Variants in KCTD16 observed in about 807,000 individuals in gnomAD.
KCTD16 encodes potassium channel tetramerization domain containing 16, also known as BTB/POZ domain-containing protein KCTD16.
In KCTD16, 13 loss-of-function variants were observed where a neutral mutation model predicts 33.2. That is an observed-to-expected ratio of 0.39 (90% CI 0.25 to 0.62). KCTD16 has a LOEUF of 0.62. Ranked by LOEUF, KCTD16 falls within the 20% of genes least tolerant of loss-of-function variation. KCTD16 has a pLI of 0.50. For synonymous variants in KCTD16, 197 were observed against 195.3 expected, an observed-to-expected ratio of 1.01 and a Z score of -0.07; for missense variants, 441 against 525.1, an observed-to-expected ratio of 0.84 and a Z score of 1.57.
intron 2 of KCTD16, among the ~76,000 whole-genome samples, chr5:144,176,409 T>C (rs1752508314): frequency 6.8e-6 from 1 of 146,296 alleles, no homozygotes; most frequent in African/African-American, 2.5e-5. Context: ...TTTTTTTTTT[T>C]TTTTGAGACG....
At chr5:144,420,684 A>G (rs964559374) in intron 3 of KCTD16, among the ~76,000 whole-genome samples, 9 of 152,064 alleles carry the variant, frequency 5.9e-5, no homozygotes, top group Non-Finnish European at 2.9e-5. Context: ...CTAATGCATC[A>G]TGTATAGGTG....
intron 3 of KCTD16, among the ~76,000 whole-genome samples, chr5:144,413,906 T>A (rs1343962745): frequency 1.3e-5 from 2 of 152,212 alleles, no homozygotes; most frequent in South Asian, 2.1e-4. Flanking sequence ...TCACTAGGTC[T>A]GTGAAACCTT....
chr5:144,276,268 GTC>G (rs913262156), intron 3 of KCTD16, among the ~76,000 whole-genome samples: 14 of 151,918 alleles, frequency 9.2e-5, no homozygotes, highest in Non-Finnish European at 1.9e-4. Context: ...ATATAATTTT[GTC>G]TCTCAACAAT....
chr5:144,371,462 C>T (rs115406948), intron 3 of KCTD16, among the ~76,000 whole-genome samples: 247 of 152,284 alleles, frequency 1.6e-3, no homozygotes, highest in African/African-American at 5.8e-3. Context: ...AAATGACAAC[C>T]TCTCAGAGCT....
At chr5:144,390,093 T>A (rs762219624) in intron 3 of KCTD16, among the ~76,000 whole-genome samples, 4 of 152,214 alleles carry the variant, frequency 2.6e-5, no homozygotes, top group Non-Finnish European at 5.9e-5. Context: ...ATCTCTAAAG[T>A]GAGTGGCTAC....
chr5:144,350,675 T>G (rs1395549781), intron 3 of KCTD16, among the ~76,000 whole-genome samples: 1 of 152,154 alleles, frequency 6.6e-6, no homozygotes, highest in African/African-American at 2.4e-5. Context: ...TCTGTGCATG[T>G]CCAGAAAAGA....
intron 3 of KCTD16, among the ~76,000 whole-genome samples, chr5:144,473,388 T>A (rs1225008249): frequency 6.6e-6 from 1 of 152,186 alleles, no homozygotes; most frequent in Admixed American, 6.5e-5. Context: ...TAAATGATGT[T>A]AGCTGGGTAT....
At chr5:144,253,599 C>T (rs1238922837) in intron 3 of KCTD16, among the ~76,000 whole-genome samples, 5 of 152,142 alleles carry the variant, frequency 3.3e-5, no homozygotes, top group Non-Finnish European at 7.4e-5. Flanking sequence ...AAACTTGGTG[C>T]AGACATGTGT....
intron 2 of KCTD16, among the ~76,000 whole-genome samples, chr5:144,204,611 A>AC (rs1456116343): frequency 6.6e-6 from 1 of 151,998 alleles, no homozygotes. Flanking sequence ...TAAGGAAACA[A>AC]CCCCAGAAAA....
chr5:144,241,228 A>C (rs541543067), intron 3 of KCTD16, among the ~76,000 whole-genome samples: 21 of 152,276 alleles, frequency 1.4e-4, no homozygotes, highest in African/African-American at 4.8e-4. Context: ...CGTGAGTAAA[A>C]AACACTCCAA....
At chr5:144,387,304 A>C (rs1332438676) in intron 3 of KCTD16, among the ~76,000 whole-genome samples, 1 of 152,046 alleles carries the variant, frequency 6.6e-6, no homozygotes, top group African/African-American at 2.4e-5. Flanking sequence ...TAGTGTCTTT[A>C]TCATTTTCTC....
intron 3 of KCTD16, among the ~76,000 whole-genome samples, chr5:144,397,259 T>A (rs1752593290): frequency 6.6e-6 from 1 of 152,106 alleles, no homozygotes; most frequent in African/African-American, 2.4e-5. Flanking sequence ...GAACTCATCC[T>A]TTTTTATGGC....
chr5:144,464,517 G>A (rs1754273143), intron 3 of KCTD16, among the ~76,000 whole-genome samples: 1 of 152,180 alleles, frequency 6.6e-6, no homozygotes, highest in Non-Finnish European at 1.5e-5. Context: ...CAGTGCAGAG[G>A]ATGGCCCCAC....
chr5:144,209,051 T>C (rs1302926570), intron 3 of KCTD16, among the ~76,000 whole-genome samples: 2 of 152,212 alleles, frequency 1.3e-5, no homozygotes, highest in Admixed American at 6.5e-5. Flanking sequence ...AGCAGAAATA[T>C]CTTCTCCAAA....
At chr5:144,246,946 T>C (rs1458938796) in intron 3 of KCTD16, among the ~76,000 whole-genome samples, 1 of 152,188 alleles carries the variant, frequency 6.6e-6, no homozygotes, top group Non-Finnish European at 1.5e-5. Flanking sequence ...CTGTCAACAG[T>C]GTGATCTTGA....
At chr5:144,200,527 G>A (rs1034024836) in intron 2 of KCTD16, among the ~76,000 whole-genome samples, 4 of 152,168 alleles carry the variant, frequency 2.6e-5, no homozygotes, top group African/African-American at 9.7e-5. Flanking sequence ...TTCCTAGAAT[G>A]TCTGAAGATT....
chr5:144,361,670 GC>G (rs1270132240), intron 3 of KCTD16, among the ~76,000 whole-genome samples: 5 of 152,118 alleles, frequency 3.3e-5, no homozygotes, highest in Non-Finnish European at 4.4e-5. Context: ...TATGACAAGT[GC>G]CACAATTATG....
intron 3 of KCTD16, among the ~76,000 whole-genome samples, chr5:144,428,173 C>G (rs1753377292): frequency 6.6e-6 from 1 of 152,130 alleles, no homozygotes; most frequent in Admixed American, 6.6e-5. Context: ...GTACGCCTTC[C>G]TTAGTTTGAG....
intron 3 of KCTD16, among the ~76,000 whole-genome samples, chr5:144,435,825 G>C (rs1002922983): frequency 3.4e-5 from 5 of 145,470 alleles, no homozygotes; most frequent in African/African-American, 8.1e-5. Context: ...GCGCTTTCCT[G>C]TGTGTGTGTG....
Sources: gnomAD v4.1 joint callset for allele counts (sites outside exome capture counted in the v4.1 genomes callset) on GRCh38, gnomAD v4.1.1 for gene constraint, MANE v1.5 for transcripts, NCBI Gene and HGNC (gene_info 2026-07-23, HGNC 2026-07-21) for gene names.